Variants in ADGRL3 observed in about 807,000 individuals in gnomAD.
ADGRL3 encodes the protein adhesion G protein-coupled receptor L3, also known as calcium-independent alpha-latrotoxin receptor 3.
ADGRL3 carries 62 observed loss-of-function variants against 153.5 expected under a neutral mutation model. The observed-to-expected ratio is 0.40, with a 90% confidence interval of 0.33 to 0.50. The LOEUF is 0.50. Among genes scored for constraint, ADGRL3 ranks in the 20% least tolerant of loss-of-function variants. ADGRL3 has a pLI of 0.47. For missense variants in ADGRL3, 1,641 were observed against 1,859.4 expected, an observed-to-expected ratio of 0.88 and a Z score of 2.16; for synonymous variants, 710 against 672.5, an observed-to-expected ratio of 1.06 and a Z score of -0.86.
chr4:61,287,525 GAATA>G (rs1318121374), intron 1 of ADGRL3, among the ~76,000 whole-genome samples: 1 of 151,928 alleles, frequency 6.6e-6, no homozygotes, highest in Non-Finnish European at 1.5e-5. Context: ...ACAATTGTTT[GAATA>G]AATGTTACTG....
At chr4:61,991,089 G>C (rs191940279) in intron 19 of ADGRL3, among the ~76,000 whole-genome samples, 1 of 151,384 alleles carries the variant, frequency 6.6e-6, no homozygotes, top group Non-Finnish European at 1.5e-5. Flanking sequence ...TCTATGTCTA[G>C]CATAGTTAAG....
At chr4:61,920,466 GT>G (rs2098763653) in intron 13 of ADGRL3, among the ~76,000 whole-genome samples, 1 of 152,160 alleles carries the variant, frequency 6.6e-6, no homozygotes, top group African/African-American at 2.4e-5. Flanking sequence ...TGCTCCCAGA[GT>G]TACAATTTTT....
chr4:61,443,157 A>G (rs1430173212), intron 2 of ADGRL3, among the ~76,000 whole-genome samples: 2 of 152,142 alleles, frequency 1.3e-5, no homozygotes, highest in Non-Finnish European at 2.9e-5. Flanking sequence ...ACTAACGGCC[A>G]TTTAGTCCTT....
chr4:61,243,457 T>C (rs748011338), intron 1 of ADGRL3, among the ~76,000 whole-genome samples: 1 of 152,006 alleles, frequency 6.6e-6, no homozygotes, highest in Non-Finnish European at 1.5e-5. Flanking sequence ...TGCTTCTCCC[T>C]TGGGCAGCAG....
intron 17 of ADGRL3, among the ~76,000 whole-genome samples, chr4:61,968,185 G>A (rs1042749744): frequency 3.9e-5 from 6 of 152,156 alleles, no homozygotes; most frequent in African/African-American, 1.4e-4. Context: ...ACAAGTTACA[G>A]CTTTTAGTAA....
At chr4:61,698,925 T>A (rs1374647240) in intron 6 of ADGRL3, among the ~76,000 whole-genome samples, 1 of 152,248 alleles carries the variant, frequency 6.6e-6, no homozygotes, top group African/African-American at 2.4e-5. Flanking sequence ...AATTAGTTTA[T>A]CTTGAAGCTT....
intron 8 of ADGRL3, among the ~76,000 whole-genome samples, chr4:61,796,214 G>A (rs772374408): frequency 2.6e-5 from 4 of 152,102 alleles, no homozygotes; most frequent in Non-Finnish European, 4.4e-5. Flanking sequence ...TGCAAATGAC[G>A]CCCTGCACAT....
At chr4:61,573,635 C>T (rs1378951056) in intron 4 of ADGRL3, among the ~76,000 whole-genome samples, 2 of 151,688 alleles carry the variant, frequency 1.3e-5, no homozygotes, top group African/African-American at 4.8e-5. Flanking sequence ...TCATATTTGC[C>T]ATCAATTTGT....
intron 1 of ADGRL3, among the ~76,000 whole-genome samples, chr4:61,234,346 T>C (rs12639718): frequency 0.77 from 116,486 of 152,008 alleles, 44,876 homozygotes; most frequent in East Asian, 0.98. Context: ...CTCGTGAGAC[T>C]TATTCACTAT....
chr4:61,278,725 C>T (rs555068000), intron 1 of ADGRL3, among the ~76,000 whole-genome samples: 159 of 152,186 alleles, frequency 1.0e-3, no homozygotes, highest in African/African-American at 3.4e-3. Context: ...AGGCTGTTCT[C>T]GAACTCCTGA....
rs17090414 is a variant in ADGRL3, at chr4:61,229,011, C to G, written c.-240+27246C>G. ...CTGGCCTCTTATTTATCTTTGTGTGCTTCAGCTGAATATGGTATCTGGCAC... is the reference window on the plus strand; with the variant it reads ...CTGGCCTCTTATTTATCTTTGTGTGGTTCAGCTGAATATGGTATCTGGCAC... On this transcript the variant is annotated intron_variant, in intron 1 of 26. Transcript: ENST00000683033. Among the ~76,000 whole-genome samples the G allele has an allele frequency of 9.9e-3, 1,512 of 152,184 alleles. 27 individuals are homozygous for G. Among genetic ancestry groups the G allele is most frequent in the African/African-American group, 0.035 (1,457 of 41,540 alleles).
At chr4:61,841,332 A>G (rs12651006) in intron 9 of ADGRL3, among the ~76,000 whole-genome samples, 55,534 of 152,002 alleles carry the variant, frequency 0.37, 12,803 homozygotes, top group East Asian at 0.75. Context: ...AAATTAGGTC[A>G]TTTCTTAAAT....
At chr4:61,428,877 C>T (rs897671642) in intron 2 of ADGRL3, among the ~76,000 whole-genome samples, 1 of 131,452 alleles carries the variant, frequency 7.6e-6, no homozygotes. Flanking sequence ...CTATCTATAT[C>T]ATCTATCTAT....
At chr4:61,422,869 A>C (rs542998272) in intron 2 of ADGRL3, among the ~76,000 whole-genome samples, 4 of 151,974 alleles carry the variant, frequency 2.6e-5, no homozygotes, top group Admixed American at 6.6e-5. Context: ...GTATGTGTAC[A>C]TATAAATGGT....
chr4:61,900,272 A>G (rs1451761197), intron 11 of ADGRL3, among the ~76,000 whole-genome samples: 1 of 152,166 alleles, frequency 6.6e-6, no homozygotes, highest in African/African-American at 2.4e-5. Flanking sequence ...GAAATTTTAC[A>G]TTTACATTTT....
At chr4:61,857,461 C>A (rs561272424) in intron 9 of ADGRL3, among the ~76,000 whole-genome samples, 57 of 152,178 alleles carry the variant, frequency 3.7e-4, no homozygotes, top group African/African-American at 1.1e-3. Context: ...TTCTGCCAAC[C>A]AACCACTGCT....
intron 9 of ADGRL3, among the ~76,000 whole-genome samples, chr4:61,885,720 G>A (rs1004131093): frequency 1.3e-5 from 2 of 152,106 alleles, no homozygotes; most frequent in African/African-American, 4.8e-5. Context: ...TAGTGGAAAG[G>A]GATAGATTTT....
chr4:61,275,675 A>G (rs973432302), intron 1 of ADGRL3, among the ~76,000 whole-genome samples: 2 of 152,106 alleles, frequency 1.3e-5, no homozygotes, highest in African/African-American at 2.4e-5. Flanking sequence ...GCCACTTGCT[A>G]TTACTTCTTC....
chr4:61,271,606 G>C (rs1161234614), intron 1 of ADGRL3, among the ~76,000 whole-genome samples: 3 of 152,012 alleles, frequency 2.0e-5, no homozygotes, highest in African/African-American at 7.2e-5. Context: ...GCTGAAGGCA[G>C]CTGTGTCCTA....
Sources: allele counts gnomAD v4.1 joint callset (sites outside exome capture counted in the v4.1 genomes callset), GRCh38; gene constraint gnomAD v4.1.1; transcripts MANE v1.5; gene names NCBI Gene and HGNC (gene_info 2026-07-23, HGNC 2026-07-21).